Variants in DOP1A observed in about 807,000 individuals in gnomAD.
DOP1A encodes protein DOP1A.
A neutral mutation model predicts 267.6 loss-of-function variants in DOP1A; 90 were observed. That is an observed-to-expected ratio of 0.34 (90% CI 0.28 to 0.40). DOP1A has a LOEUF of 0.40. DOP1A is among the 10% of genes least tolerant of loss of function. The pLI, the probability that DOP1A is intolerant of heterozygous loss-of-function variation, is 1.00. For synonymous variants in DOP1A, 932 were observed against 999.1 expected (o/e 0.93, Z 1.27); for missense variants, 2,437 against 2,900.4 (o/e 0.84, Z 3.67).
intron 1 of DOP1A, among the ~76,000 whole-genome samples, chr6:83,083,610 A>G (rs1768538688): frequency 6.6e-6 from 1 of 152,170 alleles, no homozygotes; most frequent in Non-Finnish European, 1.5e-5. Flanking sequence ...GATAATTCAC[A>G]TGAAAGGGCT....
rs1028089463 is a variant in DOP1A, at chr6:83,168,313, C to G, written c.*146C>G. On this transcript the variant is annotated 3_prime_UTR_variant, in exon 39 of 39. Transcript: ENST00000349129. Reference sequence around the variant, plus strand: ...TAATTTAAATATTTGTATATAAGAGCAAATGTCTGAATGTGGCCTGAATCA... The same window carrying G: ...TAATTTAAATATTTGTATATAAGAGGAAATGTCTGAATGTGGCCTGAATCA... 7.7e-6 allele frequency: 11 copies of G among 1,425,190 alleles called. No homozygotes were observed. The highest frequency in any genetic ancestry group is 2.5e-5 in the East Asian group (1 of 39,572). 88.3% of individuals were successfully genotyped at this position (1,425,190 alleles called of 1,614,324 possible).
chr6:83,167,167 A>T, intron 38 of DOP1A: 1 of 903,514 alleles, frequency 1.1e-6, no homozygotes, highest in Non-Finnish European at 1.3e-6. Flanking sequence ...AGACTGTCCC[A>T]TTTTATAAGT....
At chr6:83,144,074 T>A (rs1297018891) in intron 24 of DOP1A, among the ~76,000 whole-genome samples, 2 of 152,162 alleles carry the variant, frequency 1.3e-5, no homozygotes, top group Non-Finnish European at 2.9e-5. Flanking sequence ...AAACTGTCAC[T>A]CAAACATTTT....
intron 1 of DOP1A, among the ~76,000 whole-genome samples, chr6:83,080,665 G>A (rs1767922745): frequency 6.6e-6 from 1 of 152,166 alleles, no homozygotes; most frequent in African/African-American, 2.4e-5. Flanking sequence ...CAGTACCTCT[G>A]TAGTATTTCA....
chr6:83,170,463 C>G (rs1469862471), downstream of DOP1A: 1 of 1,613,930 alleles, frequency 6.2e-7, no homozygotes. Flanking sequence ...GTGCTAATAA[C>G]TCTCCTGTCT....
chr6:83,129,608 CT>C, intron 16 of DOP1A, 100 bp downstream of exon 16: 7 of 1,190,062 alleles, frequency 5.9e-6, no homozygotes, highest in Non-Finnish European at 7.7e-6. Context: ...TAGCCAGTTA[CT>C]TTTTTTAATG....
At chr6:83,107,261 A>T (rs966852308) in intron 4 of DOP1A, among the ~76,000 whole-genome samples, 1 of 152,190 alleles carries the variant, frequency 6.6e-6, no homozygotes, top group Non-Finnish European at 1.5e-5. Context: ...AAAAGAAAAA[A>T]GATAATGGAT....
intron 1 of DOP1A, among the ~76,000 whole-genome samples, chr6:83,089,320 A>G (rs1398361024): frequency 1.3e-5 from 2 of 152,212 alleles, no homozygotes; most frequent in Admixed American, 6.5e-5. Context: ...TTAGCTTTTT[A>G]TGCTATAAAG....
rs1445019137 is a variant in DOP1A, at chr6:83,129,031, G to A, written c.1864G>A (p.Glu622Lys). Residue 622 changes from glutamate (E) to lysine (K), a missense_variant, in exon 16 of 39, where the codon GAG (glutamate) becomes AAG (lysine). Around this residue, in one of 9 missense-constraint regions of DOP1A, gnomAD observed 498 missense variants for 513.5 expected, o/e 0.97. Coordinates refer to ENST00000349129, the MANE Select transcript of DOP1A (RefSeq NM_015018.4). The stretch of plus-strand genomic sequence containing the variant: ...TGATGATATTGACAGAGAACTGAGT[G>A]AGGGCCAGGGGGCAGCTGCCATCCC... Reference protein sequence around the residue: ...RTDDIDRELSEGQGAAAIPIG... With the variant: ...RTDDIDRELSKGQGAAAIPIG... The A allele has an allele frequency of 2.5e-6, 4 of 1,613,888 alleles. No homozygotes were observed.
intron 6 of DOP1A, among the ~76,000 whole-genome samples, chr6:83,112,269 A>G (rs922730386): frequency 5.3e-5 from 8 of 152,126 alleles, no homozygotes; most frequent in Non-Finnish European, 1.0e-4. Flanking sequence ...GGAAATAAGA[A>G]TAATTTGAAC....
Position 83,138,139 on chromosome 6 carries a change from ATC to A in DOP1A, c.4098_4099del (p.Tyr1366Ter). On this transcript the variant is annotated stop_gained and frameshift_variant, in exon 21 of 39. Coordinates refer to ENST00000349129, the MANE Select transcript of DOP1A (RefSeq NM_015018.4). LOFTEE classifies it high-confidence loss of function. ...CCCAATTTCAACATTCATCCTCTCT[ATC>A]AACATGTGCTCCTGTATCTCCAGTT... is the stretch of plus-strand genomic sequence containing the variant. 6.2e-7 allele frequency: 1 copy of A among 1,613,954 alleles called. No homozygotes were observed.
chr6:83,110,903 T>C (rs1318075527), intron 6 of DOP1A, among the ~76,000 whole-genome samples: 2 of 152,198 alleles, frequency 1.3e-5, no homozygotes, highest in Non-Finnish European at 1.5e-5. Context: ...CCTTCTTACA[T>C]TGTAGAGTTA....
chr6:83,085,279 C>T (rs1342426108), intron 1 of DOP1A, among the ~76,000 whole-genome samples: 23 of 152,080 alleles, frequency 1.5e-4, no homozygotes, highest in Admixed American at 1.5e-3. Flanking sequence ...ATGGGACTGC[C>T]GATGCAGGTA....
intron 30 of DOP1A, among the ~76,000 whole-genome samples, chr6:83,152,604 G>GTGTTTTT (rs1298228954): frequency 2.0e-5 from 3 of 147,718 alleles, no homozygotes; most frequent in Non-Finnish European, 4.5e-5. Flanking sequence ...TCTTTTTTAT[G>GTGTTTTT]TGTTTTTTTC....
chr6:83,149,357 TCTTG>T (rs1433763034), intron 27 of DOP1A, among the ~76,000 whole-genome samples: 3 of 152,332 alleles, frequency 2.0e-5, no homozygotes, highest in East Asian at 1.9e-4. Flanking sequence ...AGTCTCTCTT[TCTTG>T]CTTGCCATTA....
chr6:83,145,419 T>C (rs1780483962), intron 24 of DOP1A, 105 bp from the exon 25 acceptor site: 2 of 1,065,440 alleles, frequency 1.9e-6, no homozygotes, highest in Admixed American at 3.3e-5. Flanking sequence ...CTCATCTCCA[T>C]TTAAAAAATA....
chr6:83,147,117 AT>A, intron 25 of DOP1A, 118 bp from the exon 26 acceptor site: 1 of 434,712 alleles, frequency 2.3e-6, no homozygotes. Flanking sequence ...AAAATTGATG[AT>A]TTTGTTCTTT....
chr6:83,151,855 A>T lies in DOP1A; in HGVS notation c.5905-28A>T, dbSNP rs764200869. 18 of 1,609,426 alleles carry T rather than the reference A, an allele frequency of 1.1e-5. 1 individual carries two copies. The South Asian group carries it at 2.0e-4, about 18-fold the overall frequency. On this transcript the variant is annotated intron_variant, in intron 28 of 38. Transcript: ENST00000349129. ...TAACTAGTGTGCATGTGTGTACCAT[A>T]CATAGTTGTTCTTCCTTATTTTTTT...
intron 1 of DOP1A, among the ~76,000 whole-genome samples, chr6:83,096,503 G>A (rs774631029): frequency 1.7e-4 from 25 of 149,594 alleles, no homozygotes; most frequent in Admixed American, 4.7e-4. Context: ...AATGATCTCC[G>A]AATCATTTAT....
Sources: gnomAD v4.1 joint callset for allele counts (sites outside exome capture counted in the v4.1 genomes callset) on GRCh38, gnomAD v4.1.1 for gene constraint, gnomAD v4.1.1 regional missense constraint, MANE v1.5 for transcripts, NCBI Gene and HGNC (gene_info 2026-07-23, HGNC 2026-07-21) for gene names.